Variants in UBE2U observed in about 807,000 individuals in gnomAD.
The protein encoded by UBE2U is ubiquitin conjugating enzyme E2 U.
A neutral mutation model predicts 41.2 loss-of-function variants in UBE2U; 39 were observed. The ratio of observed to expected loss-of-function variants is 0.95; its 90% confidence interval spans 0.73 to 1.24. The LOEUF (loss-of-function observed/expected upper bound fraction) is 1.24, where lower values mean the gene tolerates loss of function less well. UBE2U is among the 50% of genes most tolerant of loss of function. The probability of loss-of-function intolerance (pLI) is 0.00; values close to 1 mark genes in which losing one functional copy is unlikely to be tolerated. For missense variants in UBE2U, 336 were observed against 363.1 expected, an observed-to-expected ratio of 0.93 and a Z score of 0.61; for synonymous variants, 107 against 117.8, an observed-to-expected ratio of 0.91 and a Z score of 0.60.
chr1:64,220,381 C>T (rs1295515847), intron 5 of UBE2U, among the ~76,000 whole-genome samples: 1 of 152,074 alleles, frequency 6.6e-6, no homozygotes, highest in African/African-American at 2.4e-5. Flanking sequence ...TTTCTTACTC[C>T]ATCCTGTTTT....
chr1:64,240,404 C>A (rs1198357456), intron 7 of UBE2U, among the ~76,000 whole-genome samples: 1 of 152,168 alleles, frequency 6.6e-6, no homozygotes, highest in African/African-American at 2.4e-5. Context: ...GAGGGATGAA[C>A]TTAGTATTGC....
chr1:64,239,159 AGAAGAAGAAGAAGAAGAAGAAGAAG>A (rs1644772812), intron 7 of UBE2U, among the ~76,000 whole-genome samples: 3 of 54,738 alleles, frequency 5.5e-5, no homozygotes, highest in Non-Finnish European at 1.1e-4. Flanking sequence ...AGAAGAAGAA[AGAAGAAGAAGAAGAAGAAGAAGAAG>A]AAGAAGAAAG....
intron 9 of UBE2U, among the ~76,000 whole-genome samples, chr1:64,264,790 T>TA (rs959282524): frequency 1.3e-5 from 2 of 148,936 alleles, no homozygotes; most frequent in Non-Finnish European, 3.0e-5. Context: ...CCATCCCTAC[T>TA]AAAAAAAAAA....
At chr1:64,264,526 G>A (rs1179158488) in intron 9 of UBE2U, among the ~76,000 whole-genome samples, 1 of 152,046 alleles carries the variant, frequency 6.6e-6, no homozygotes, top group East Asian at 1.9e-4. Context: ...TTCTTTTTAT[G>A]CTTCCTGGGA....
chr1:64,223,831 C>A (rs1002750451), intron 6 of UBE2U, among the ~76,000 whole-genome samples: 1 of 151,976 alleles, frequency 6.6e-6, no homozygotes, highest in African/African-American at 2.4e-5. Flanking sequence ...GACTATGGGG[C>A]CAGGGGATCC....
At chr1:64,210,709 A>G in intron 3 of UBE2U, 33 bp from the exon 4 acceptor site, 8 of 1,279,876 alleles carry the variant, frequency 6.3e-6, no homozygotes, top group Non-Finnish European at 8.4e-6. Flanking sequence ...AATTTATTAT[A>G]AATGCAAATA....
chr1:64,204,014 C>T lies in UBE2U; in HGVS notation c.-37C>T, dbSNP rs372707211. ...CATCTGCCTCAGAGTAAACCTGAGG[C>T]ATTTGGGGACAAGTGTCAGACCCTC... On this transcript the variant is annotated 5_prime_UTR_variant, in exon 1 of 10. Coordinates refer to ENST00000371077, the MANE Select transcript of UBE2U (RefSeq NM_001366232.2). 66 of 1,601,252 alleles carry T rather than the reference C, an allele frequency of 4.1e-5. No individual in the cohort carries two copies. The highest frequency in any genetic ancestry group is 5.3e-5 in the Non-Finnish European group (62 of 1,171,084).
At chr1:64,239,142 A>AAGGAGAAGGAGAAGGAGAAGG (rs1557730583) in intron 7 of UBE2U, among the ~76,000 whole-genome samples, 3 of 26,496 alleles carry the variant, frequency 1.1e-4, no homozygotes, top group African/African-American at 5.1e-4. Flanking sequence ...GAAGAAGAAG[A>AAGGAGAAGGAGAAGGAGAAGG]AGAAGAAGAA....
chr1:64,232,685 T>C (rs746469685), intron 7 of UBE2U, 36 bp downstream of exon 7: 5 of 1,529,446 alleles, frequency 3.3e-6, no homozygotes, highest in Non-Finnish European at 4.5e-6. Context: ...GTCCTTTTGG[T>C]ATATGTTAAT....
chr1:64,216,793 A>G (rs556997909), intron 5 of UBE2U, among the ~76,000 whole-genome samples: 3 of 152,306 alleles, frequency 2.0e-5, no homozygotes, highest in African/African-American at 7.2e-5. Flanking sequence ...GCCTCAGTGT[A>G]TTGACAAGAA....
rs1447111947 is a variant in UBE2U, at chr1:64,267,043, A to AC, written c.791dup (p.Thr265AsnfsTer5). Reference sequence around the variant, plus strand: ...CCACAGATGAAATTTTTCTTGAGTCACCAACTGCAATAAATAGCATCACAG... The same window carrying AC: ...CCACAGATGAAATTTTTCTTGAGTCACCCAACTGCAATAAATAGCATCACAG... On this transcript the variant is annotated frameshift_variant, in exon 10 of 10. Coordinates refer to ENST00000371077, the MANE Select transcript of UBE2U (RefSeq NM_001366232.2). LOFTEE classifies it low-confidence loss of function (END_TRUNC). The AC allele has an allele frequency of 1.9e-6, 3 of 1,548,784 alleles. No homozygotes were observed. The highest frequency in any genetic ancestry group is 2.6e-6 in the Non-Finnish European group (3 of 1,146,616).
chr1:64,235,541 G>C lies in UBE2U; in HGVS notation c.595+2892G>C, dbSNP rs1644649302. Among the ~76,000 whole-genome samples the C allele has an allele frequency of 1.3e-5, 2 of 152,036 alleles. 1 individual carries two copies. Among genetic ancestry groups the C allele is most frequent in the South Asian group, 4.1e-4 (2 of 4,824 alleles). On this transcript the variant is annotated intron_variant, in intron 7 of 9. Transcript: ENST00000371077. ...AGATGAAGCTTTTAGATTATAGAAT[G>C]CTTCTTCAACAACTCAGAAATAAAA...
chr1:64,266,547 G>A (rs1025217888), intron 9 of UBE2U, among the ~76,000 whole-genome samples: 43 of 152,278 alleles, frequency 2.8e-4, no homozygotes, highest in African/African-American at 7.5e-4. Context: ...CAGTGGAAGC[G>A]CGGGAGAATC....
At chr1:64,255,112 C>G (rs1298513507) in intron 8 of UBE2U, among the ~76,000 whole-genome samples, 1 of 152,072 alleles carries the variant, frequency 6.6e-6, no homozygotes, top group Non-Finnish European at 1.5e-5. Context: ...CACAGAAATA[C>G]AAACAACAAC....
chr1:64,204,688 G>T (rs964422098), intron 1 of UBE2U, among the ~76,000 whole-genome samples: 1 of 152,160 alleles, frequency 6.6e-6, no homozygotes, highest in African/African-American at 2.4e-5. Flanking sequence ...AATGTCCATG[G>T]CTGCCACAGG....
intron 3 of UBE2U, among the ~76,000 whole-genome samples, chr1:64,208,603 C>CAAAAAAAAAAAAAAAAAA (rs56972795): frequency 2.7e-5 from 1 of 36,464 alleles, no homozygotes; most frequent in Non-Finnish European, 4.5e-5. Flanking sequence ...GACGCTGTCT[C>CAAAAAAAAAAAAAAAAAA]AAAAAAAAAA....
At chr1:64,246,220 C>T (rs1344574025) in intron 8 of UBE2U, among the ~76,000 whole-genome samples, 1 of 152,072 alleles carries the variant, frequency 6.6e-6, no homozygotes, top group Non-Finnish European at 1.5e-5. Flanking sequence ...CCACTCTGGA[C>T]TTAGTTGTCC....
chr1:64,243,765 A>G (rs1644873757), intron 8 of UBE2U, among the ~76,000 whole-genome samples: 2 of 152,082 alleles, frequency 1.3e-5, no homozygotes, highest in Admixed American at 1.3e-4. Flanking sequence ...ACCACGTTGT[A>G]CCTTCTGCCT....
At chr1:64,260,774 A>G in intron 9 of UBE2U, 80 bp downstream of exon 9, 1 of 1,157,308 alleles carries the variant, frequency 8.6e-7, no homozygotes, top group Non-Finnish European at 1.2e-6. Flanking sequence ...ACTTTTTTCC[A>G]TTTAAGTAAG....
Sources: gnomAD v4.1 joint callset for allele counts (sites outside exome capture counted in the v4.1 genomes callset) on GRCh38, gnomAD v4.1.1 for gene constraint, MANE v1.5 for transcripts, NCBI Gene and HGNC (gene_info 2026-07-23, HGNC 2026-07-21) for gene names.